Variants in EYS observed in about 807,000 individuals in gnomAD.
EYS encodes EGF-like photoreceptor maintenance factor.
In EYS, 250 loss-of-function variants were observed where a neutral mutation model predicts 282.1. The ratio of observed to expected loss-of-function variants is 0.89; its 90% CI spans 0.80 to 0.98. The LOEUF is 0.98. Among genes scored for constraint, EYS ranks in the 50% least tolerant of loss-of-function variants. The pLI is 0.00. For missense variants in EYS, 4,016 were observed against 3,709.0 expected, an observed-to-expected ratio of 1.08 and a Z score of -2.15; for synonymous variants, 1,355 against 1,282.9, an observed-to-expected ratio of 1.06 and a Z score of -1.20.
At chr6:64,659,579 A>G (rs1206880026) in intron 22 of EYS, among the ~76,000 whole-genome samples, 2 of 152,148 alleles carry the variant, frequency 1.3e-5, no homozygotes, top group Non-Finnish European at 2.9e-5. Flanking sequence ...ACAGAAATAC[A>G]AACTACCATC....
At chr6:63,905,701 T>C (rs62413014) in intron 35 of EYS, among the ~76,000 whole-genome samples, 7 of 152,228 alleles carry the variant, frequency 4.6e-5, no homozygotes, top group Non-Finnish European at 7.3e-5. Context: ...TTTATGGTAC[T>C]GTATTGTGTT....
rs929224514 is a variant in EYS at position 65,244,777 on chromosome 6, C to T, written c.2023+51086G>A. Among the ~76,000 whole-genome samples the T allele has an allele frequency of 1.1e-4, 17 of 151,816 alleles. 1 individual carries two copies. Among genetic ancestry groups the T allele is most frequent in the African/African-American group, 4.1e-4 (17 of 41,346 alleles). ...GACCTGCTGATCCGCCCGCCTCGGC[C>T]TTCCAAAGTGCTGGGATTACAGGCT... On this transcript the variant is annotated intron_variant, in intron 12 of 42. Coordinates refer to ENST00000503581, the MANE Select transcript of EYS (RefSeq NM_001142800.2).
chr6:64,024,957 G>A (rs1361894795), intron 33 of EYS, among the ~76,000 whole-genome samples: 6 of 152,186 alleles, frequency 3.9e-5, no homozygotes, highest in Non-Finnish European at 5.9e-5. Context: ...TGGCGACCAC[G>A]AAGGGACTTT....
chr6:64,531,662 ATCT>A (rs1764345169), intron 26 of EYS, among the ~76,000 whole-genome samples: 1 of 150,292 alleles, frequency 6.7e-6, no homozygotes, highest in Admixed American at 6.7e-5. Context: ...TGATCTCCTG[ATCT>A]CGTGATCCAC....
At chr6:65,477,379 C>A (rs2127250942) in intron 5 of EYS, among the ~76,000 whole-genome samples, 1 of 152,236 alleles carries the variant, frequency 6.6e-6, no homozygotes, top group African/African-American at 2.4e-5. Flanking sequence ...CAGACTTCAA[C>A]AGAATTCAAG....
intron 22 of EYS, among the ~76,000 whole-genome samples, chr6:64,734,838 T>C (rs1414687018): frequency 6.6e-6 from 1 of 152,174 alleles, no homozygotes; most frequent in African/African-American, 2.4e-5. Context: ...AATTTTAATA[T>C]ATCTTTTGAG....
intron 11 of EYS, among the ~76,000 whole-genome samples, chr6:65,311,437 G>A (rs1164024863): frequency 6.6e-6 from 1 of 152,140 alleles, no homozygotes; most frequent in Admixed American, 6.5e-5. Context: ...CTTAGTCCTG[G>A]ACTTACAGAT....
At chr6:64,448,617 G>T (rs1053341575) in intron 26 of EYS, among the ~76,000 whole-genome samples, 2 of 152,170 alleles carry the variant, frequency 1.3e-5, no homozygotes, top group African/African-American at 4.8e-5. Flanking sequence ...AGTAGGGGCG[G>T]ACTGACATCT....
chr6:65,073,982 C>A lies in EYS; in HGVS notation c.2024-16255G>T, dbSNP rs553933341. Among the ~76,000 whole-genome samples the A allele has an allele frequency of 6.6e-5, 10 of 152,032 alleles. No individual in the cohort carries two copies. The South Asian group carries it at 8.3e-4, about 13-fold the overall frequency. On this transcript the variant is annotated intron_variant, in intron 12 of 42. Coordinates refer to ENST00000503581, the MANE Select transcript of EYS (RefSeq NM_001142800.2). Reference sequence around the variant, plus strand: ...TTGCAGAAAGGGAGGTGGTACGTTGCCACTGGGCACATGGAAGATGTTTAG... The same window carrying A: ...TTGCAGAAAGGGAGGTGGTACGTTGACACTGGGCACATGGAAGATGTTTAG...
At chr6:63,871,950 C>T (rs1171945560) in intron 35 of EYS, among the ~76,000 whole-genome samples, 5 of 152,164 alleles carry the variant, frequency 3.3e-5, no homozygotes, top group African/African-American at 4.8e-5. Flanking sequence ...AGAATTACCA[C>T]CAGGAGACAG....
chr6:64,431,808 C>A (rs1377156925), intron 28 of EYS, among the ~76,000 whole-genome samples: 2 of 152,024 alleles, frequency 1.3e-5, no homozygotes, highest in African/African-American at 2.4e-5. Flanking sequence ...GATACCAGTA[C>A]TTAATTAAGG....
At chr6:65,302,758 CTG>C (rs1768885053) in intron 11 of EYS, 1 of 1,613,688 alleles carries the variant, frequency 6.2e-7, no homozygotes, top group Non-Finnish European at 8.5e-7. Context: ...AAAAATTAAA[CTG>C]CGCTTTCCAT....
chr6:64,577,103 G>A (rs1765905687), intron 26 of EYS, among the ~76,000 whole-genome samples: 1 of 152,062 alleles, frequency 6.6e-6, no homozygotes, highest in Non-Finnish European at 1.5e-5. Flanking sequence ...AGGGGGCATG[G>A]AGGGATTCTC....
chr6:64,093,202 T>C (rs577463184), intron 31 of EYS, among the ~76,000 whole-genome samples: 1 of 152,162 alleles, frequency 6.6e-6, no homozygotes, highest in East Asian at 1.9e-4. Flanking sequence ...CCTCCAGCTT[T>C]GTTCTTTTGG....
rs1491386410 is a variant in EYS at position 65,371,992 on chromosome 6, GTA to G, written c.1299+12392_1299+12393del. Among the ~76,000 whole-genome samples, 126 of 123,844 alleles carry G rather than the reference GTA, an allele frequency of 1.0e-3. 1 individual carries two copies. Among genetic ancestry groups the G allele is most frequent in the Non-Finnish European group, 1.2e-3 (68 of 58,504 alleles). The allele number at this position is 123,844 out of a possible 152,430, so 81.2% of individuals were successfully genotyped here. A position where few individuals can be genotyped will look rare whatever the true frequency, so the allele number is the denominator to read the frequency against. ...TAAGTCACTCTTGTTGAGGATAATT[GTA>G]AAAAAAAAAAAAAGCAAAACTGATT... On this transcript the variant is annotated intron_variant, in intron 8 of 42. Transcript: ENST00000503581.
intron 15 of EYS, among the ~76,000 whole-genome samples, chr6:64,926,242 C>A (rs1390981279): frequency 1.3e-5 from 2 of 152,144 alleles, no homozygotes; most frequent in Non-Finnish European, 2.9e-5. Flanking sequence ...ACCACATTTG[C>A]CTCTCAATTC....
chr6:63,784,366 G>T (rs1422019654), intron 39 of EYS, among the ~76,000 whole-genome samples: 1 of 152,124 alleles, frequency 6.6e-6, no homozygotes, highest in Non-Finnish European at 1.5e-5. Context: ...CAGTGGAAGC[G>T]AGTTAAGTAT....
At chr6:63,898,360 G>A (rs761416081) in intron 35 of EYS, among the ~76,000 whole-genome samples, 8 of 151,938 alleles carry the variant, frequency 5.3e-5, no homozygotes, top group Non-Finnish European at 8.8e-5. Context: ...GCGTGGTGGC[G>A]CATGTCTGTA....
chr6:64,115,566 C>T (rs1295688900), intron 31 of EYS, among the ~76,000 whole-genome samples: 1 of 152,182 alleles, frequency 6.6e-6, no homozygotes, highest in Admixed American at 6.5e-5. Context: ...AGGATCCCTG[C>T]AATCTTTGCC....
Sources: gnomAD v4.1 joint callset for allele counts (sites outside exome capture counted in the v4.1 genomes callset) on GRCh38, gnomAD v4.1.1 for gene constraint, MANE v1.5 for transcripts, NCBI Gene and HGNC (gene_info 2026-07-23, HGNC 2026-07-21) for gene names.